The following TTC6 variants were observed in gnomAD, a reference collection of about 807,000 sequenced individuals.
The protein encoded by TTC6 is tetratricopeptide repeat domain 6.
Under a neutral mutation model 210.4 loss-of-function variants are expected in TTC6, and 172 were observed. The observed-to-expected ratio is 0.82, with a 90% CI of 0.72 to 0.93. The LOEUF (loss-of-function observed/expected upper bound fraction) is 0.93, where lower values mean the gene tolerates loss of function less well. Ranked by LOEUF, TTC6 falls within the 40% of genes least tolerant of loss-of-function variation. The probability of loss-of-function intolerance (pLI) is 0.00; values close to 1 mark genes in which losing one functional copy is unlikely to be tolerated. For missense variants in TTC6, 2,414 were observed against 2,318.1 expected, an observed-to-expected ratio of 1.04 and a Z score of -0.85; for synonymous variants, 804 against 819.6, an observed-to-expected ratio of 0.98 and a Z score of 0.32.
chr14:37,635,825 A>G (rs1480799325), intron 1 of TTC6, among the ~76,000 whole-genome samples: 3 of 151,896 alleles, frequency 2.0e-5, no homozygotes, highest in Middle Eastern at 3.2e-3. Flanking sequence ...CCAAAAATAC[A>G]AAAATTAGAC....
chr14:37,614,090 A>G (rs563541332), intron 2 of TTC6, among the ~76,000 whole-genome samples: 1 of 152,184 alleles, frequency 6.6e-6, no homozygotes, highest in Admixed American at 6.5e-5. Flanking sequence ...CATTTAGGGT[A>G]TAAGTTTCCT....
chr14:37,718,587 A>G (rs2095856426), intron 6 of TTC6, among the ~76,000 whole-genome samples: 1 of 152,220 alleles, frequency 6.6e-6, no homozygotes, highest in Non-Finnish European at 1.5e-5. Context: ...AAAAGAAGCA[A>G]TACAGCTGCC....
At chr14:37,786,087 G>A (rs2139297083) in intron 14 of TTC6, among the ~76,000 whole-genome samples, 1 of 152,294 alleles carries the variant, frequency 6.6e-6, no homozygotes, top group East Asian at 1.9e-4. Flanking sequence ...AGTCACTTGA[G>A]GTGGCAGTCT....
chr14:37,658,284 T>C (rs1486393069), intron 1 of TTC6, among the ~76,000 whole-genome samples: 1 of 152,196 alleles, frequency 6.6e-6, no homozygotes, highest in Non-Finnish European at 1.5e-5. Context: ...CCAGATTTGG[T>C]CTGTGGGCCC....
At chr14:37,615,655 A>G (rs768984504) in intron 2 of TTC6, among the ~76,000 whole-genome samples, 3 of 152,074 alleles carry the variant, frequency 2.0e-5, no homozygotes, top group African/African-American at 7.2e-5. Flanking sequence ...AATCTCTAGC[A>G]TATTTTCCTT....
At chr14:37,699,920 C>T (rs1299825161) in intron 4 of TTC6, among the ~76,000 whole-genome samples, 3 of 152,102 alleles carry the variant, frequency 2.0e-5, no homozygotes, top group African/African-American at 4.8e-5. Context: ...TCAGAAGCCA[C>T]ACCCAGTTTG....
intron 14 of TTC6, among the ~76,000 whole-genome samples, chr14:37,756,307 G>T (rs1230304891): frequency 6.6e-6 from 1 of 152,168 alleles, no homozygotes; most frequent in Non-Finnish European, 1.5e-5. Flanking sequence ...GAGATAATTT[G>T]ACTTCTTCTC....
intron 2 of TTC6, among the ~76,000 whole-genome samples, chr14:37,681,353 A>G (rs1329951564): frequency 2.6e-5 from 4 of 152,182 alleles, no homozygotes; most frequent in Admixed American, 6.6e-5. Flanking sequence ...CACTACATTC[A>G]TATAAAGTAT....
At chr14:37,793,686 T>C (rs917289469) in intron 17 of TTC6, among the ~76,000 whole-genome samples, 2 of 152,202 alleles carry the variant, frequency 1.3e-5, no homozygotes, top group Admixed American at 6.5e-5. Flanking sequence ...GAGTTTCCTC[T>C]GAGCACATAG....
In TTC6 at chr14:37,808,873, G is replaced by T. The variant is rs375157768; in HGVS notation, c.4569+27G>T. The T allele has an allele frequency of 6.4e-6, 7 of 1,091,492 alleles. No individual in the cohort carries two copies. In the African/African-American group the frequency reaches 1.1e-4, roughly 18 times the overall value. The allele number at this position is 1,091,492 out of a possible 1,614,324, so 67.6% of individuals were successfully genotyped here. On this transcript the variant is annotated intron_variant, in intron 24 of 30. Transcript: ENST00000553443. Reference sequence around the variant, plus strand: ...TAAGATGACCATTTTAGTAAACAATGTGTTTAAAGTGTTTAATAAATAACA... The same window carrying T: ...TAAGATGACCATTTTAGTAAACAATTTGTTTAAAGTGTTTAATAAATAACA...
At chr14:37,812,406 A>G (rs772967529) in exon 25 of TTC6, 11 of 1,611,342 alleles carry the variant, frequency 6.8e-6, no homozygotes, top group African/African-American at 2.7e-5. Flanking sequence ...TCTACGTAGA[A>G]CTAGGCCAGT....
At chr14:37,745,372 C>T (rs1030670390) in intron 10 of TTC6, among the ~76,000 whole-genome samples, 12 of 152,046 alleles carry the variant, frequency 7.9e-5, no homozygotes, top group Non-Finnish European at 1.6e-4. Flanking sequence ...CACCTATATC[C>T]TTCAAGTCTC....
intron 1 of TTC6, among the ~76,000 whole-genome samples, chr14:37,630,516 A>C (rs2095667513): frequency 6.6e-6 from 1 of 152,138 alleles, no homozygotes; most frequent in East Asian, 1.9e-4. Flanking sequence ...GGTCAATTTT[A>C]GAATAAGTGC....
intron 3 of TTC6, among the ~76,000 whole-genome samples, chr14:37,692,208 CAAAA>C (rs3062759): frequency 4.5e-4 from 18 of 40,156 alleles, no homozygotes; most frequent in African/African-American, 2.0e-3. Flanking sequence ...AAAGACACAC[CAAAA>C]AAAAAAAAAA....
At chr14:37,679,093 C>G (rs1188571406) in intron 1 of TTC6, among the ~76,000 whole-genome samples, 3 of 151,978 alleles carry the variant, frequency 2.0e-5, no homozygotes, top group African/African-American at 7.2e-5. Flanking sequence ...TTGTGGTATG[C>G]ACTTTGTAGT....
chr14:37,617,294 A>C (rs2139277751), upstream of TTC6, among the ~76,000 whole-genome samples: 1 of 152,282 alleles, frequency 6.6e-6, no homozygotes, highest in East Asian at 1.9e-4. Flanking sequence ...GCTGTTATGT[A>C]TTTATATATG....
chr14:37,704,348 C>T (rs189142494), intron 5 of TTC6, among the ~76,000 whole-genome samples: 1 of 152,144 alleles, frequency 6.6e-6, no homozygotes. Context: ...ATCCACTGTG[C>T]CTGGCCAGAT....
intron 2 of TTC6, among the ~76,000 whole-genome samples, chr14:37,608,214 G>A (rs866527834): frequency 1.1e-4 from 17 of 152,050 alleles, no homozygotes; most frequent in African/African-American, 3.9e-4. Flanking sequence ...AATGCATAAT[G>A]CACATGTTTC....
intron 14 of TTC6, among the ~76,000 whole-genome samples, chr14:37,758,992 G>A (rs2139087229): frequency 6.6e-6 from 1 of 152,108 alleles, no homozygotes; most frequent in South Asian, 2.1e-4. Flanking sequence ...ATTCTTTTCT[G>A]CTGGGTGTGG....
Sources: allele counts gnomAD v4.1 joint callset (sites outside exome capture counted in the v4.1 genomes callset), GRCh38; gene constraint gnomAD v4.1.1; transcripts MANE v1.5; gene names NCBI Gene and HGNC (gene_info 2026-07-23, HGNC 2026-07-21).